Variants in SPATA13 observed in about 807,000 individuals in gnomAD.
SPATA13 encodes spermatogenesis associated 13.
Under a neutral mutation model 104.0 loss-of-function variants are expected in SPATA13, and 50 were observed. That is an observed-to-expected ratio of 0.48 (90% CI 0.38 to 0.61). The LOEUF is 0.61. SPATA13 is among the 20% of genes least tolerant of loss of function. The probability of loss-of-function intolerance (pLI) is 0.00; values close to 1 mark genes in which losing one functional copy is unlikely to be tolerated. For missense variants in SPATA13, 1,524 were observed against 1,690.6 expected, an observed-to-expected ratio of 0.90 and a Z score of 1.73; for synonymous variants, 606 against 667.5, an observed-to-expected ratio of 0.91 and a Z score of 1.42.
chr13:24,179,297 G>A (rs1304194910), intron 1 of SPATA13, among the ~76,000 whole-genome samples: 1 of 152,126 alleles, frequency 6.6e-6, no homozygotes, highest in Non-Finnish European at 1.5e-5. Context: ...ATACCTATGC[G>A]TGGCATTGCT....
Position 24,286,827 on chromosome 13 carries a change from C to G in SPATA13, c.2544C>G (p.Asp848Glu). The G allele has an allele frequency of 6.2e-7, 1 of 1,613,580 alleles. No individual in the cohort carries two copies. The highest frequency in any genetic ancestry group is 8.5e-7 in the Non-Finnish European group (1 of 1,179,984). ...NSSSTPSEEQ[D>E]EEASQSRHRH... is the part of the protein sequence containing the mutation. ...GCAGCACCCCCAGTGAGGAGCAGGA[C>G]GAGGAGGCCAGCCAGAGCCGCCACA... Residue 848 changes from aspartate (D) to glutamate (E), a missense_variant, in exon 7 of 13, where the codon GAC becomes GAG. Asp to Glu is a conservative substitution (Grantham distance 45, BLOSUM62 2). Coordinates refer to ENST00000382108, the MANE Select transcript of SPATA13 (RefSeq NM_001166271.3). The surrounding 1 kb of genome is among the most constrained non-coding windows in gnomAD (Gnocchi z 4.9).
rs756303982 is a variant in SPATA13, at chr13:24,297,651, T to G, written c.3499T>G (p.Cys1167Gly). 17 of 1,614,138 alleles carry G rather than the reference T, an allele frequency of 1.1e-5. No individual in the cohort carries two copies. In the African/African-American group the frequency reaches 1.3e-4, roughly 13 times the overall value. ...SRTTDEVYLFCAKKQEDKARW... is the reference protein window; with the variant it reads ...SRTTDEVYLFGAKKQEDKARW... ...GACCACAGACGAGGTTTATTTGTTT[T>G]GTGCCAAAAAACAAGAAGACAAGGC... Residue 1167 changes from cysteine (C) to glycine (G), a missense_variant, in exon 11 of 13, where the codon TGT becomes GGT. Physicochemically the swap from Cys to Gly is radical, Grantham distance 159. Transcript: ENST00000382108.
chr13:24,128,768 A>C (rs1881303489), intron 3 of SPATA13, among the ~76,000 whole-genome samples: 3 of 152,200 alleles, frequency 2.0e-5, no homozygotes, highest in Admixed American at 6.5e-5. Flanking sequence ...ACTTCCCTTA[A>C]AAAATACGTA....
rs565712214 is a variant in SPATA13, at chr13:24,301,821, C to G, written c.3659-777C>G. 2.8e-4 allele frequency among the ~76,000 whole-genome samples: 43 copies of G among 152,296 alleles called. 1 individual carries two copies. The highest frequency in any genetic ancestry group is 2.5e-3 in the South Asian group (12 of 4,832). On this transcript the variant is annotated intron_variant, in intron 12 of 12. Coordinates refer to ENST00000382108, the MANE Select transcript of SPATA13 (RefSeq NM_001166271.3). ...TTACCTCTGCACAGATTAAAAATAC[C>G]TATGCCGGTGAAGTTTTGATTAGAG...
Position 24,204,410 on chromosome 13 carries a change from CT to C in SPATA13, c.-111-18400del, listed in dbSNP as rs1283026764. Among the ~76,000 whole-genome samples the C allele has an allele frequency of 6.6e-5, 10 of 151,426 alleles. No homozygotes were observed. The South Asian group carries it at 1.5e-3, about 22-fold the overall frequency. Reference sequence around the variant, plus strand: ...GCATTGTTTTTGTTGGCAGACAGAGCTTTTTTTTTAAATTTTAGTAAAATAG... The same window carrying C: ...GCATTGTTTTTGTTGGCAGACAGAGCTTTTTTTTAAATTTTAGTAAAATAG... On this transcript the variant is annotated intron_variant, in intron 1 of 12. Coordinates refer to ENST00000382108, the MANE Select transcript of SPATA13 (RefSeq NM_001166271.3).
intron 2 of SPATA13, among the ~76,000 whole-genome samples, chr13:24,227,140 G>A (rs1479719363): frequency 6.6e-6 from 1 of 152,162 alleles, no homozygotes; most frequent in Non-Finnish European, 1.5e-5. Flanking sequence ...AGGATGAAGG[G>A]TAACATTCCT....
intron 1 of SPATA13, among the ~76,000 whole-genome samples, chr13:24,218,763 T>C (rs1871402705): frequency 6.6e-6 from 1 of 151,744 alleles, no homozygotes; most frequent in East Asian, 1.9e-4. Flanking sequence ...TTAGTGTGTT[T>C]TATGTGTGGC....
At chr13:24,104,971 T>G (rs1880390346) in intron 3 of SPATA13, among the ~76,000 whole-genome samples, 1 of 152,212 alleles carries the variant, frequency 6.6e-6, no homozygotes, top group Non-Finnish European at 1.5e-5. Context: ...CCTGACAGTC[T>G]CATGTCCATC....
intron 3 of SPATA13, among the ~76,000 whole-genome samples, chr13:24,120,750 A>C (rs1881007286): frequency 6.6e-6 from 1 of 152,246 alleles, no homozygotes; most frequent in Non-Finnish European, 1.5e-5. Flanking sequence ...CTCTTTAAAA[A>C]GTCCTTGCAC....
chr13:24,160,730 C>A lies in SPATA13; in HGVS notation c.-314C>A. ...GGGCGTGGCTTGGCTGAGTGTGCTG[C>A]CGCGGCGCGGGAGGAGAGTGTGCGT... On this transcript the variant is annotated 5_prime_UTR_variant, in exon 1 of 13. Coordinates refer to ENST00000382108, the MANE Select transcript of SPATA13 (RefSeq NM_001166271.3). The A allele has an allele frequency of 1.0e-6, 1 of 985,656 alleles. No homozygotes were observed. The highest frequency in any genetic ancestry group is 1.2e-6 in the Non-Finnish European group (1 of 830,210). 61.1% of individuals were successfully genotyped at this position (985,656 alleles called of 1,614,324 possible).
intron 2 of SPATA13, among the ~76,000 whole-genome samples, chr13:24,227,598 T>C (rs1449865602): frequency 1.3e-5 from 2 of 152,114 alleles, no homozygotes; most frequent in Non-Finnish European, 2.9e-5. Flanking sequence ...ATTGAGACAG[T>C]CTCATTCAGT....
rs765118612 is a variant in SPATA13, at chr13:24,251,719, C to A, written c.2021C>A (p.Pro674Gln). Residue 674 changes from proline (P) to glutamine (Q), a missense_variant and splice_region_variant, in exon 4 of 13, where the codon CCG becomes CAG. Pro to Gln is a moderately conservative substitution (Grantham distance 76). Coordinates refer to ENST00000382108, the MANE Select transcript of SPATA13 (RefSeq NM_001166271.3). ...ACAGATTTTGCTTTCTTTTTGCAGCCGGCTTCCAGGCCGCCCATGCCTGCT... is the reference window on the plus strand; with the variant it reads ...ACAGATTTTGCTTTCTTTTTGCAGCAGGCTTCCAGGCCGCCCATGCCTGCT... ...TEELDNLLTQ[P>Q]ASRPPMPAHQ... 3.1e-6 allele frequency: 5 copies of A among 1,613,032 alleles called. No homozygotes were observed. In the African/African-American group the frequency reaches 6.7e-5, roughly 22 times the overall value.
At chr13:24,052,822 C>A (rs1177137107) in intron 3 of SPATA13, among the ~76,000 whole-genome samples, 47 of 2,976 alleles carry the variant, frequency 0.016, no homozygotes, top group Non-Finnish European at 0.029. Context: ...CTTCCCCCTG[C>A]CGCCAGGGGA....
intron 3 of SPATA13, among the ~76,000 whole-genome samples, chr13:24,047,150 T>TCACG (rs994874198): frequency 6.6e-6 from 1 of 152,106 alleles, no homozygotes; most frequent in African/African-American, 2.4e-5. Flanking sequence ...GAGTCATGAG[T>TCACG]CACGGGTCAG....
At chr13:24,130,203 A>G (rs1166660785) in intron 3 of SPATA13, among the ~76,000 whole-genome samples, 1 of 152,146 alleles carries the variant, frequency 6.6e-6, no homozygotes, top group African/African-American at 2.4e-5. Flanking sequence ...GGCAGTCACA[A>G]GCCCCTGCAC....
intron 3 of SPATA13, among the ~76,000 whole-genome samples, chr13:24,152,833 T>TTC (rs140783597): frequency 2.0e-5 from 3 of 151,830 alleles, no homozygotes; most frequent in South Asian, 2.1e-4. Flanking sequence ...TGAAGCAGCT[T>TTC]TCTCTCTCTC....
chr13:24,026,537 G>A (rs1877222452), intron 3 of SPATA13, among the ~76,000 whole-genome samples: 1 of 152,172 alleles, frequency 6.6e-6, no homozygotes, highest in Admixed American at 6.5e-5. Flanking sequence ...AAAATTGTAT[G>A]TAGGAATTGG....
At position 24,223,564 on chromosome 13, in the gene SPATA13, T is replaced by G. The variant is rs773495026; in HGVS notation, c.635T>G (p.Ile212Ser). 5.1e-5 allele frequency: 79 copies of G among 1,549,430 alleles called. No individual in the cohort carries two copies. The highest frequency in any genetic ancestry group is 6.5e-5 in the Non-Finnish European group (75 of 1,147,002). The change falls in exon 2 of 13, where the codon ATC becomes AGC. Residue 212 changes from isoleucine (I) to serine (S), a missense_variant. Transcript: ENST00000382108. ...SLRRAYGLGR[I>S]CLLDAPQNHA... is the part of the protein sequence containing the mutation. ...CGCAGAGCCTACGGCCTGGGCCGCA[T>G]CTGCCTGCTGGATGCGCCCCAGAAC...
intron 3 of SPATA13, among the ~76,000 whole-genome samples, chr13:24,048,690 G>C (rs550015501): frequency 1.1e-3 from 168 of 147,466 alleles, no homozygotes; most frequent in Non-Finnish European, 1.8e-3. Context: ...TTAAAAAAAA[G>C]ATAAATAAAT....
Sources: gnomAD v4.1 joint callset for allele counts (sites outside exome capture counted in the v4.1 genomes callset) on GRCh38, gnomAD v4.1.1 for gene constraint, Gnocchi (gnomAD v3.1) non-coding constraint, MANE v1.5 for transcripts, NCBI Gene and HGNC (gene_info 2026-07-23, HGNC 2026-07-21) for gene names.